The following BBS9 variants were observed in gnomAD, a reference collection of about 807,000 sequenced individuals.
The protein encoded by BBS9 is Bardet-Biedl syndrome 9.
BBS9 carries 89 observed loss-of-function variants against 117.7 expected under a neutral mutation model. The observed-to-expected ratio is 0.76, with a 90% confidence interval of 0.64 to 0.90. The LOEUF is 0.90. Ranked by LOEUF, BBS9 falls within the 40% of genes least tolerant of loss-of-function variation. The pLI is 0.00. For synonymous variants in BBS9, 379 were observed against 370.9 expected, an observed-to-expected ratio of 1.02 and a Z score of -0.25; for missense variants, 982 against 1,042.2, an observed-to-expected ratio of 0.94 and a Z score of 0.80.
At chr7:33,335,953 A>G (rs1815271639) in intron 9 of BBS9, among the ~76,000 whole-genome samples, 1 of 152,050 alleles carries the variant, frequency 6.6e-6, no homozygotes, top group Non-Finnish European at 1.5e-5. Flanking sequence ...AAGACCTCCG[A>G]TGGCTTCCCA....
At chr7:33,196,556 C>G (rs959014274) in intron 5 of BBS9, among the ~76,000 whole-genome samples, 2 of 152,156 alleles carry the variant, frequency 1.3e-5, no homozygotes, top group Non-Finnish European at 2.9e-5. Flanking sequence ...GCCCTTGTCT[C>G]ACCAGTGAAC....
rs199702848 is a variant in BBS9 at position 33,253,862 on chromosome 7, G to A, written c.443-3374G>A. 2.0e-5 allele frequency among the ~76,000 whole-genome samples: 3 copies of A among 152,224 alleles called. No homozygotes were observed. In the East Asian group the frequency reaches 5.8e-4, roughly 29 times the overall value. On this transcript the variant is annotated intron_variant, in intron 5 of 22. Coordinates refer to ENST00000242067, the MANE Select transcript of BBS9 (RefSeq NM_198428.3). Reference sequence around the variant, plus strand: ...CTTGTTGAGAAGAACATAATAATATGATGCGTCTGTAAATAGAGGACTGTA... The same window carrying A: ...CTTGTTGAGAAGAACATAATAATATAATGCGTCTGTAAATAGAGGACTGTA...
chr7:33,181,973 G>A (rs1273870581), intron 5 of BBS9, among the ~76,000 whole-genome samples: 1 of 152,200 alleles, frequency 6.6e-6, no homozygotes, highest in East Asian at 1.9e-4. Flanking sequence ...TGTAATCTCA[G>A]CTACCCGGGA....
At chr7:33,180,699 CA>C (rs1418211919) in intron 5 of BBS9, among the ~76,000 whole-genome samples, 1 of 152,106 alleles carries the variant, frequency 6.6e-6, no homozygotes, top group Non-Finnish European at 1.5e-5. Context: ...GCACCGAGGA[CA>C]AGCATTTGTT....
At chr7:33,204,387 A>T (rs1786507351) in intron 5 of BBS9, among the ~76,000 whole-genome samples, 1 of 138,766 alleles carries the variant, frequency 7.2e-6, no homozygotes, top group Admixed American at 7.6e-5. Flanking sequence ...AGCCTGGGTG[A>T]CGGAGCCAGA....
intron 21 of BBS9, among the ~76,000 whole-genome samples, chr7:33,553,089 C>T (rs1563349724): frequency 6.6e-6 from 1 of 152,166 alleles, no homozygotes; most frequent in Non-Finnish European, 1.5e-5. Context: ...CTGTACCCGC[C>T]CCACACTGTC....
At chr7:33,165,200 TGTTAG>T (rs1795478564) in intron 4 of BBS9, among the ~76,000 whole-genome samples, 1 of 152,224 alleles carries the variant, frequency 6.6e-6, no homozygotes, top group Non-Finnish European at 1.5e-5. Context: ...AGAGATCCGC[TGTTAG>T]TCTGATGGGC....
intron 15 of BBS9, among the ~76,000 whole-genome samples, chr7:33,353,759 A>T (rs1217207392): frequency 6.6e-6 from 1 of 152,100 alleles, no homozygotes. Context: ...GATGCCAACA[A>T]TCTGAGTTGC....
chr7:33,566,602 C>A lies in BBS9; in HGVS notation c.2521+32426C>A, dbSNP rs939104435. ...AAAGGTAGAGATAAAAGATTTAGTG[C>A]TTTTCAAATTTAAATGCCTGTTTTC... is the stretch of plus-strand genomic sequence containing the variant. On this transcript the variant is annotated intron_variant, in intron 21 of 22. Coordinates refer to ENST00000242067, the MANE Select transcript of BBS9 (RefSeq NM_198428.3). 3.9e-5 allele frequency among the ~76,000 whole-genome samples: 6 copies of A among 152,054 alleles called. No individual in the cohort carries two copies. In the East Asian group the frequency reaches 9.7e-4, roughly 24 times the overall value.
intron 19 of BBS9, among the ~76,000 whole-genome samples, chr7:33,435,279 A>C (rs2128885659): frequency 6.6e-6 from 1 of 152,262 alleles, no homozygotes; most frequent in South Asian, 2.1e-4. Context: ...CTATGTATAA[A>C]ATTTACTGGC....
chr7:33,385,876 A>T (rs1008885305), intron 18 of BBS9, among the ~76,000 whole-genome samples: 1 of 151,968 alleles, frequency 6.6e-6, no homozygotes, highest in Admixed American at 6.6e-5. Flanking sequence ...AATTTTTGGT[A>T]TTTTTTTGCT....
At chr7:33,344,546 C>A (rs975235204) in intron 11 of BBS9, 35 bp from the exon 12 acceptor site, 13 of 1,602,052 alleles carry the variant, frequency 8.1e-6, no homozygotes, top group South Asian at 2.2e-5. Flanking sequence ...ATATTGACAT[C>A]ATTCTTTCTT....
intron 19 of BBS9, among the ~76,000 whole-genome samples, chr7:33,399,526 T>C (rs1403350750): frequency 6.6e-6 from 1 of 152,214 alleles, no homozygotes; most frequent in Admixed American, 6.5e-5. Context: ...CTGTGGACCC[T>C]GTAGATAGAA....
chr7:33,315,453 C>A (rs1810278514), intron 9 of BBS9, among the ~76,000 whole-genome samples: 1 of 152,142 alleles, frequency 6.6e-6, no homozygotes, highest in African/African-American at 2.4e-5. Context: ...CCAAAGCAAG[C>A]CACAAAGTCA....
intron 2 of BBS9, among the ~76,000 whole-genome samples, chr7:33,149,420 A>G (rs1203807152): frequency 6.6e-6 from 1 of 150,678 alleles, no homozygotes; most frequent in Non-Finnish European, 1.5e-5. Context: ...GAAATTCTTT[A>G]GAAGAAGCCG....
At chr7:33,400,560 C>T (rs545775286) in intron 19 of BBS9, among the ~76,000 whole-genome samples, 1 of 152,228 alleles carries the variant, frequency 6.6e-6, no homozygotes, top group East Asian at 1.9e-4. Flanking sequence ...ACCTTCCTTC[C>T]CTTACCGTCA....
intron 21 of BBS9, among the ~76,000 whole-genome samples, chr7:33,542,011 G>A (rs1852389703): frequency 6.6e-6 from 1 of 151,994 alleles, no homozygotes; most frequent in Admixed American, 6.6e-5. Flanking sequence ...AGAAAATTCA[G>A]GTGAACTAAA....
Position 33,344,580 on chromosome 7 carries a change from G to T in BBS9, c.1276-1G>T. 2 of 1,613,960 alleles carry T rather than the reference G, an allele frequency of 1.2e-6. No homozygotes were observed. Among genetic ancestry groups the T allele is most frequent in the Non-Finnish European group, 1.7e-6 (2 of 1,179,902 alleles). ...TTGCCTTCTCAATTCTGTGTTTACA[G>T]CAAGCGACCGATGTTGAGGTGGGAA... On this transcript the variant is annotated splice_acceptor_variant, in intron 11 of 22. Transcript: ENST00000242067. LOFTEE classifies it high-confidence loss of function.
At chr7:33,204,846 G>A (rs570855334) in intron 5 of BBS9, among the ~76,000 whole-genome samples, 1 of 152,222 alleles carries the variant, frequency 6.6e-6, no homozygotes, top group South Asian at 2.1e-4. Context: ...TAGTCAAGAG[G>A]CTGACATTGA....
Sources: allele counts gnomAD v4.1 joint callset (sites outside exome capture counted in the v4.1 genomes callset), GRCh38; gene constraint gnomAD v4.1.1; transcripts MANE v1.5; gene names NCBI Gene and HGNC (gene_info 2026-07-23, HGNC 2026-07-21).